BCL11B: variants seen among roughly 807,000 people sequenced by gnomAD.
BCL11B encodes the protein BCL11 transcription factor B.
BCL11B carries 8 observed loss-of-function variants against 49.9 expected under a neutral mutation model. The ratio of observed to expected loss-of-function variants is 0.16; its 90% CI spans 0.09 to 0.29. The LOEUF (loss-of-function observed/expected upper bound fraction) is 0.29, where lower values mean the gene tolerates loss of function less well. BCL11B is among the 10% of genes least tolerant of loss of function. BCL11B has a pLI of 1.00. For missense variants in BCL11B, 1,006 were observed against 1,351.0 expected (o/e 0.74, Z 4.00); for synonymous variants, 739 against 637.4 (o/e 1.16, Z -2.40).
chr14:99,271,126 C>CTCCG (rs1472111756), intron 1 of BCL11B, 35 bp downstream of exon 1: 3 of 1,526,510 alleles, frequency 2.0e-6, no homozygotes, highest in Non-Finnish European at 1.7e-6. Context: ...GGAGCCCCAT[C>CTCCG]TCCGGCCCCT....
In BCL11B at chr14:99,247,178, G is replaced by C. The variant is rs1888870180; in HGVS notation, c.427+10293C>G. 6.6e-6 allele frequency among the ~76,000 whole-genome samples: 1 copy of C among 152,162 alleles called. No homozygotes were observed. The highest frequency in any genetic ancestry group is 1.5e-5 in the Non-Finnish European group (1 of 68,038). ...TTCTCTCTTTCCCCTTCTCCCCAAA[G>C]CAAAGGCCAGGTCAGGAAAATTATA... On this transcript the variant is annotated intron_variant, in intron 2 of 3. Transcript: ENST00000357195. The surrounding 1 kb of genome is among the most constrained non-coding windows in gnomAD (Gnocchi z 4.5).
chr14:99,186,376 C>T (rs192109267), intron 3 of BCL11B, among the ~76,000 whole-genome samples: 1 of 152,172 alleles, frequency 6.6e-6, no homozygotes, highest in Admixed American at 6.5e-5. Context: ...CAAAAATTAG[C>T]CAGCATGGTG....
intron 2 of BCL11B, among the ~76,000 whole-genome samples, chr14:99,244,298 C>A (rs1040493038): frequency 6.6e-6 from 1 of 151,744 alleles, no homozygotes; most frequent in Admixed American, 6.6e-5. Context: ...AATTACCCCC[C>A]CCTCACACAC....
In BCL11B at chr14:99,172,954, C is replaced by CCAACCAAAAAAAAAA; in HGVS notation, c.*1196_*1197insTTTTTTTTTTGGTTG. On this transcript the variant is annotated 3_prime_UTR_variant, in exon 4 of 4. Transcript: ENST00000357195. ...AAATTTGCAAGATCCCCACCCCACC[C>CCAACCAAAAAAAAAA]ATCCCTACAATATCATCAGTGTGCA... The CCAACCAAAAAAAAAA allele has an allele frequency of 4.6e-6, 1 of 218,788 alleles. No individual in the cohort carries two copies. Among genetic ancestry groups the CCAACCAAAAAAAAAA allele is most frequent in the Non-Finnish European group, 9.2e-6 (1 of 108,784 alleles). The allele number at this position is 218,788 out of a possible 1,614,324, so 13.6% of individuals were successfully genotyped here.
chr14:99,270,482 G>A (rs1889634424), intron 1 of BCL11B, among the ~76,000 whole-genome samples: 1 of 151,852 alleles, frequency 6.6e-6, no homozygotes. Flanking sequence ...TGGGGAAGTG[G>A]GGGGTGGGGA....
At position 99,244,159 on chromosome 14, in the gene BCL11B, GC is replaced by G. The variant is rs147536863; in HGVS notation, c.428-12603del. Among the ~76,000 whole-genome samples the G allele has an allele frequency of 3.8e-3, 579 of 152,204 alleles. 3 individuals carry two copies. The highest frequency in any genetic ancestry group is 0.013 in the African/African-American group (558 of 41,518). ...GCCCAAACATACAGGGAGAAATCACGCGTAATTCTGATCACTGTTGAGCCGT... is the reference window on the plus strand; with the variant it reads ...GCCCAAACATACAGGGAGAAATCACGGTAATTCTGATCACTGTTGAGCCGT... On this transcript the variant is annotated intron_variant, in intron 2 of 3. Transcript: ENST00000357195.
intron 1 of BCL11B, among the ~76,000 whole-genome samples, chr14:99,260,069 TG>T (rs1258413701): frequency 6.6e-6 from 1 of 152,204 alleles, no homozygotes; most frequent in East Asian, 1.9e-4. Context: ...AAGGATGTAT[TG>T]TGCGCCATTT....
At chr14:99,187,907 T>C (rs1886903325) in intron 3 of BCL11B, among the ~76,000 whole-genome samples, 1 of 152,158 alleles carries the variant, frequency 6.6e-6, no homozygotes, top group Non-Finnish European at 1.5e-5. Context: ...CCAAGAAGTA[T>C]GGCAGAGCAG....
At chr14:99,198,647 G>A (rs7148256) in intron 3 of BCL11B, among the ~76,000 whole-genome samples, 84,896 of 151,836 alleles carry the variant, frequency 0.56, 24,476 homozygotes, top group African/African-American at 0.61. Flanking sequence ...AAGGTCTCGC[G>A]ACACATTCTC....
At chr14:99,238,727 C>T (rs560637633) in intron 2 of BCL11B, among the ~76,000 whole-genome samples, 42 of 152,300 alleles carry the variant, frequency 2.8e-4, no homozygotes, top group Non-Finnish European at 4.1e-4. Context: ...TACTGAAATG[C>T]AAATAAACCA....
intron 1 of BCL11B, among the ~76,000 whole-genome samples, chr14:99,269,089 G>A (rs991921658): frequency 6.6e-6 from 1 of 151,734 alleles, no homozygotes; most frequent in East Asian, 2.0e-4. Flanking sequence ...ACACACAACT[G>A]CAACCACTCC....
rs1206943216 is a variant in BCL11B at position 99,213,570 on chromosome 14, A to G, written c.640+17775T>C. Among the ~76,000 whole-genome samples the G allele has an allele frequency of 6.6e-6, 1 of 152,180 alleles. No individual in the cohort carries two copies. Among genetic ancestry groups the G allele is most frequent in the Non-Finnish European group, 1.5e-5 (1 of 68,030 alleles). On this transcript the variant is annotated intron_variant, in intron 3 of 3. Transcript: ENST00000357195. The surrounding 1 kb of genome is among the most constrained non-coding windows in gnomAD (Gnocchi z 5.1). ...TCATTTTACTCCACGGGCAATGGTAAGTCCTACTACCCCAAAAGTACAAAT... is the reference window on the plus strand; with the variant it reads ...TCATTTTACTCCACGGGCAATGGTAGGTCCTACTACCCCAAAAGTACAAAT...
intron 2 of BCL11B, among the ~76,000 whole-genome samples, chr14:99,254,748 C>G (rs1186416822): frequency 6.6e-6 from 1 of 152,198 alleles, no homozygotes; most frequent in South Asian, 2.1e-4. Context: ...GGGCCAGGAG[C>G]GTGGGCAGCA....
chr14:99,258,162 T>TAC (rs1858195883), intron 1 of BCL11B, among the ~76,000 whole-genome samples: 1 of 152,206 alleles, frequency 6.6e-6, no homozygotes, highest in African/African-American at 2.4e-5. Flanking sequence ...CACACGTGCA[T>TAC]ACACACACAC....
Position 99,196,768 on chromosome 14 carries a change from G to A in BCL11B, c.641-20573C>T, listed in dbSNP as rs563793944. 1.9e-4 allele frequency among the ~76,000 whole-genome samples: 29 copies of A among 152,330 alleles called. No individual in the cohort carries two copies. The South Asian group carries it at 5.6e-3, about 29-fold the overall frequency. ...GGAACAGGAGCTCTGTGTGCAGGGAGTGTGCAAACCCACCCGCTCAAAAAA... is the reference window on the plus strand; with the variant it reads ...GGAACAGGAGCTCTGTGTGCAGGGAATGTGCAAACCCACCCGCTCAAAAAA... On this transcript the variant is annotated intron_variant, in intron 3 of 3. Coordinates refer to ENST00000357195, the MANE Select transcript of BCL11B (RefSeq NM_138576.4).
intron 3 of BCL11B, among the ~76,000 whole-genome samples, chr14:99,210,706 T>G (rs559510389): frequency 6.6e-6 from 1 of 152,280 alleles, no homozygotes; most frequent in East Asian, 1.9e-4. Flanking sequence ...GGCTTCCCAC[T>G]GGGGAATAAG....
chr14:99,265,328 A>G (rs146148321), intron 1 of BCL11B, among the ~76,000 whole-genome samples: 1 of 152,180 alleles, frequency 6.6e-6, no homozygotes, highest in African/African-American at 2.4e-5. Context: ...CCAGATGTGA[A>G]GCCAACATTA....
In BCL11B at chr14:99,175,257, C is replaced by T. The variant is rs1485518912; in HGVS notation, c.1579G>A (p.Gly527Ser). The stretch of plus-strand genomic sequence containing the variant: ...TCGTCCTCCTCCTCCGGCTCGTGGC[C>T]CAGCGACGGGTCGCTCTCGTGGTGG... ...FRHHESDPSL[G>S]HEPEEEDEEE... The change falls in exon 4 of 4, where the codon GGC (glycine) becomes AGC (serine). Residue 527 changes from glycine to serine, a missense_variant. Around this residue, in one of 6 missense-constraint regions of BCL11B, gnomAD observed 443 missense variants for 499.7 expected, o/e 0.89. Coordinates refer to ENST00000357195, the MANE Select transcript of BCL11B (RefSeq NM_138576.4). 6.5e-6 allele frequency: 10 copies of T among 1,543,742 alleles called. No homozygotes were observed. Among genetic ancestry groups the T allele is most frequent in the East Asian group, 2.4e-5 (1 of 41,080 alleles).
At chr14:99,233,366 C>T (rs545535158) in intron 2 of BCL11B, among the ~76,000 whole-genome samples, 13 of 152,312 alleles carry the variant, frequency 8.5e-5, no homozygotes, top group South Asian at 4.1e-4. Flanking sequence ...CCCCGAAGCC[C>T]GCAATGCTCT....
Sources: gnomAD v4.1 joint callset for allele counts (sites outside exome capture counted in the v4.1 genomes callset) on GRCh38, gnomAD v4.1.1 for gene constraint, gnomAD v4.1.1 regional missense constraint, Gnocchi (gnomAD v3.1) non-coding constraint, MANE v1.5 for transcripts, NCBI Gene and HGNC (gene_info 2026-07-23, HGNC 2026-07-21) for gene names.